The following AUTS2 variants were observed in gnomAD, a reference collection of about 807,000 sequenced individuals.
The protein encoded by AUTS2 is activator of transcription and developmental regulator AUTS2, also known as autism susceptibility gene 2 protein.
Under a neutral mutation model 112.4 loss-of-function variants are expected in AUTS2, and 17 were observed. The ratio of observed to expected loss-of-function variants is 0.15; its 90% CI spans 0.10 to 0.23. AUTS2 has a LOEUF of 0.23. Among genes scored for constraint, AUTS2 ranks in the 10% least tolerant of loss-of-function variants. AUTS2 has a pLI of 1.00. For synonymous variants in AUTS2, 751 were observed against 702.7 expected, an observed-to-expected ratio of 1.07 and a Z score of -1.09; for missense variants, 1,510 against 1,701.6, an observed-to-expected ratio of 0.89 and a Z score of 1.98.
At chr7:70,151,191 C>T (rs1807418604) in intron 4 of AUTS2, among the ~76,000 whole-genome samples, 1 of 151,966 alleles carries the variant, frequency 6.6e-6, no homozygotes, top group Non-Finnish European at 1.5e-5. Flanking sequence ...AGAAAGGATC[C>T]CAGAGATCTT....
rs1584932696 is a variant in AUTS2 at position 70,250,490 on chromosome 7, A to G, written c.660+115919A>G. 2.6e-5 allele frequency among the ~76,000 whole-genome samples: 4 copies of G among 152,340 alleles called. No individual in the cohort carries two copies. In the South Asian group the frequency reaches 8.3e-4, roughly 32 times the overall value. On this transcript the variant is annotated intron_variant, in intron 4 of 18. Coordinates refer to ENST00000342771, the MANE Select transcript of AUTS2 (RefSeq NM_015570.4). ...TGATACAGGGGATTAGGGTGAAACT[A>G]GTGGAACCCATATATACCACGCTGT...
At chr7:69,882,137 C>T (rs1011825696) in intron 1 of AUTS2, among the ~76,000 whole-genome samples, 26 of 109,850 alleles carry the variant, frequency 2.4e-4, no homozygotes, top group African/African-American at 7.0e-4. Context: ...GCAACAAGAG[C>T]GAAACTCTGT....
At chr7:69,755,477 A>T (rs1404428928) in intron 1 of AUTS2, among the ~76,000 whole-genome samples, 2 of 152,002 alleles carry the variant, frequency 1.3e-5, no homozygotes, top group Non-Finnish European at 2.9e-5. Flanking sequence ...CCTTTGCCAT[A>T]ATAATTGTGT....
chr7:69,849,958 C>T (rs567113490), intron 1 of AUTS2, among the ~76,000 whole-genome samples: 90 of 152,034 alleles, frequency 5.9e-4, no homozygotes, highest in Non-Finnish European at 1.1e-3. Context: ...GATAAACACT[C>T]AGGATTGTAA....
chr7:70,598,158 A>G (rs1803294528), intron 5 of AUTS2, among the ~76,000 whole-genome samples: 1 of 152,200 alleles, frequency 6.6e-6, no homozygotes, highest in African/African-American at 2.4e-5. Flanking sequence ...GCAGGTCCCT[A>G]AGTACAGAGT....
chr7:69,935,711 C>T (rs1339623067), intron 2 of AUTS2, among the ~76,000 whole-genome samples: 2 of 152,164 alleles, frequency 1.3e-5, no homozygotes, highest in Non-Finnish European at 2.9e-5. Context: ...ATTTAAAATA[C>T]CTGCGGAATA....
intron 1 of AUTS2, among the ~76,000 whole-genome samples, chr7:69,857,221 A>G (rs1362900120): frequency 1.3e-5 from 2 of 152,170 alleles, no homozygotes; most frequent in Non-Finnish European, 2.9e-5. Context: ...GAAATGTCTA[A>G]TAAAATCCCT....
intron 3 of AUTS2, among the ~76,000 whole-genome samples, chr7:70,127,908 T>A (rs1806062769): frequency 6.6e-6 from 1 of 152,106 alleles, no homozygotes; most frequent in Non-Finnish European, 1.5e-5. Flanking sequence ...TCTGTCCTAT[T>A]CTTTCTTTCT....
rs1348782420 is a variant in AUTS2 at position 70,528,419 on chromosome 7, G to A, written c.690+92638G>A. On this transcript the variant is annotated intron_variant, in intron 5 of 18. Transcript: ENST00000342771. ...TTCAGAGGTGGGGAGACAGAGGTAA[G>A]AGCATGAAGTATGTAAATACTCAAA... Among the ~76,000 whole-genome samples, 3 of 152,298 alleles carry A rather than the reference G, an allele frequency of 2.0e-5. No individual in the cohort carries two copies. The East Asian group carries it at 5.8e-4, about 29-fold the overall frequency.
At chr7:69,723,653 T>G (rs1391456694) in intron 1 of AUTS2, among the ~76,000 whole-genome samples, 1 of 152,168 alleles carries the variant, frequency 6.6e-6, no homozygotes, top group East Asian at 1.9e-4. Context: ...GATTTTCTCA[T>G]AGCCACTGGC....
intron 2 of AUTS2, among the ~76,000 whole-genome samples, chr7:69,937,717 TC>T (rs1386392260): frequency 6.6e-6 from 1 of 152,166 alleles, no homozygotes; most frequent in Non-Finnish European, 1.5e-5. Context: ...TAACAATGTT[TC>T]CCCTCAGGAA....
chr7:70,589,438 G>A (rs1357570501), intron 5 of AUTS2, among the ~76,000 whole-genome samples: 1 of 152,240 alleles, frequency 6.6e-6, no homozygotes, highest in East Asian at 1.9e-4. Context: ...TTATGGCCAG[G>A]TGCGGTGGCT....
At chr7:70,712,789 C>A (rs936383201) in intron 6 of AUTS2, among the ~76,000 whole-genome samples, 1 of 152,076 alleles carries the variant, frequency 6.6e-6, no homozygotes, top group Non-Finnish European at 1.5e-5. Context: ...AGTTGGGCAG[C>A]CTTTTTTTTG....
chr7:69,754,197 C>T (rs1243074823), intron 1 of AUTS2, among the ~76,000 whole-genome samples: 2 of 152,108 alleles, frequency 1.3e-5, no homozygotes, highest in Non-Finnish European at 2.9e-5. Context: ...CCAATCCAGG[C>T]CCCAACACTG....
rs543091462 is a variant in AUTS2, at chr7:70,739,982, A to G, written c.743-22888A>G. ...CCTGGCTCCCCTCCCCTCATCCACT[A>G]CCAAGGAAGCATGGCTGTGAGTTTG... On this transcript the variant is annotated intron_variant, in intron 6 of 18. Coordinates refer to ENST00000342771, the MANE Select transcript of AUTS2 (RefSeq NM_015570.4). 1.5e-4 allele frequency among the ~76,000 whole-genome samples: 23 copies of G among 152,112 alleles called. No individual in the cohort carries two copies. In the South Asian group the frequency reaches 4.6e-3, roughly 30 times the overall value.
At chr7:69,641,207 A>G (rs1438610208) in intron 1 of AUTS2, among the ~76,000 whole-genome samples, 4 of 152,234 alleles carry the variant, frequency 2.6e-5, no homozygotes, top group Admixed American at 1.3e-4. Context: ...GAACAGAAAT[A>G]GGACACAGGA....
chr7:70,117,200 A>G (rs1805427728), intron 2 of AUTS2, among the ~76,000 whole-genome samples: 1 of 143,372 alleles, frequency 7.0e-6, no homozygotes, highest in Non-Finnish European at 1.5e-5. Flanking sequence ...GTGGCACTTA[A>G]TACATTATTT....
At position 69,904,085 on chromosome 7, in the gene AUTS2, T is replaced by C. The variant is rs548558518; in HGVS notation, c.522+4587T>C. 4.6e-5 allele frequency among the ~76,000 whole-genome samples: 7 copies of C among 152,318 alleles called. No individual in the cohort carries two copies. The East Asian group carries it at 1.2e-3, about 25-fold the overall frequency. On this transcript the variant is annotated intron_variant, in intron 2 of 18. Coordinates refer to ENST00000342771, the MANE Select transcript of AUTS2 (RefSeq NM_015570.4). ...ACTCTGCATGGTTGCATCTGCTTCA[T>C]GTATTGACATTGTACCTTGGTCTTC...
intron 2 of AUTS2, among the ~76,000 whole-genome samples, chr7:70,039,144 C>T (rs968199690): frequency 6.2e-4 from 94 of 152,036 alleles, no homozygotes; most frequent in African/African-American, 2.3e-3. Context: ...ATGAAAAGTC[C>T]CCAGCACAGT....
Sources: gnomAD v4.1 joint callset for allele counts (sites outside exome capture counted in the v4.1 genomes callset) on GRCh38, gnomAD v4.1.1 for gene constraint, MANE v1.5 for transcripts, NCBI Gene and HGNC (gene_info 2026-07-23, HGNC 2026-07-21) for gene names.